SGCD: variants seen among roughly 807,000 people sequenced by gnomAD.
The protein encoded by SGCD is delta-sarcoglycan.
Under a neutral mutation model 36.6 loss-of-function variants are expected in SGCD, and 18 were observed. The ratio of observed to expected loss-of-function variants is 0.49; its 90% CI spans 0.34 to 0.73. SGCD has a LOEUF of 0.73. Ranked by LOEUF, SGCD falls within the 30% of genes least tolerant of loss-of-function variation. The probability of loss-of-function intolerance (pLI) is 0.01; values close to 1 mark genes in which losing one functional copy is unlikely to be tolerated. For missense variants in SGCD, 387 were observed against 346.7 expected, an observed-to-expected ratio of 1.12 and a Z score of -0.92; for synonymous variants, 133 against 130.6, an observed-to-expected ratio of 1.02 and a Z score of -0.12.
intron 2 of SGCD, among the ~76,000 whole-genome samples, chr5:156,342,684 A>T (rs17053447): frequency 0.075 from 11,473 of 152,270 alleles, 447 homozygotes; most frequent in South Asian, 0.18. Flanking sequence ...TAAAACTGAG[A>T]TCCTCTTACA....
chr5:155,966,991 G>A (rs1247154822), intron 1 of SGCD, among the ~76,000 whole-genome samples: 4 of 151,524 alleles, frequency 2.6e-5, no homozygotes, highest in African/African-American at 9.7e-5. Flanking sequence ...GTATATGTGT[G>A]CGTATGTGTG....
intron 1 of SGCD, among the ~76,000 whole-genome samples, chr5:156,105,051 C>T (rs192432843): frequency 2.0e-5 from 3 of 152,092 alleles, no homozygotes; most frequent in Admixed American, 6.6e-5. Flanking sequence ...ATGTAAATGA[C>T]GAGTTAATGG....
intron 3 of SGCD, among the ~76,000 whole-genome samples, chr5:156,285,903 G>T (rs1766582621): frequency 6.6e-6 from 1 of 152,020 alleles, no homozygotes; most frequent in South Asian, 2.1e-4. Context: ...CAAAATGGGA[G>T]AAAAATTTTT....
chr5:156,012,287 TC>T (rs1259606576), intron 1 of SGCD, among the ~76,000 whole-genome samples: 1 of 152,220 alleles, frequency 6.6e-6, no homozygotes, highest in Non-Finnish European at 1.5e-5. Flanking sequence ...CATATTTGAC[TC>T]CATATCCTAT....
intron 7 of SGCD, among the ~76,000 whole-genome samples, chr5:156,649,027 A>G (rs895861841): frequency 1.3e-5 from 2 of 152,116 alleles, no homozygotes; most frequent in African/African-American, 4.8e-5. Context: ...AAGAAGCAGG[A>G]CTCCCATCAA....
At chr5:156,139,123 T>C (rs565153705) in intron 3 of SGCD, among the ~76,000 whole-genome samples, 57 of 152,346 alleles carry the variant, frequency 3.7e-4, no homozygotes, top group African/African-American at 1.3e-3. Flanking sequence ...TCCAGTCTGT[T>C]ACTTGACTTT....
At chr5:156,033,697 A>C (rs1759416944) in intron 1 of SGCD, among the ~76,000 whole-genome samples, 1 of 152,308 alleles carries the variant, frequency 6.6e-6, no homozygotes, top group African/African-American at 2.4e-5. Flanking sequence ...AGAAACTAAG[A>C]CTATTGTTTG....
intron 6 of SGCD, among the ~76,000 whole-genome samples, chr5:156,598,100 C>T (rs1384898157): frequency 1.3e-5 from 2 of 152,202 alleles, no homozygotes; most frequent in East Asian, 1.9e-4. Flanking sequence ...ACTCCAGCCT[C>T]GGTGCACTTC....
At chr5:156,303,239 C>G (rs1346391853) in intron 3 of SGCD, among the ~76,000 whole-genome samples, 1 of 152,110 alleles carries the variant, frequency 6.6e-6, no homozygotes, top group East Asian at 1.9e-4. Context: ...GCAGAGGAGT[C>G]CCTTCCCATG....
At chr5:156,033,021 G>A (rs916047265) in intron 1 of SGCD, among the ~76,000 whole-genome samples, 4 of 151,932 alleles carry the variant, frequency 2.6e-5, no homozygotes, top group Non-Finnish European at 5.9e-5. Context: ...AAGCTGCAGT[G>A]AGCTGTAATC....
At chr5:156,564,230 A>G (rs1759384147) in intron 4 of SGCD, among the ~76,000 whole-genome samples, 1 of 152,188 alleles carries the variant, frequency 6.6e-6, no homozygotes, top group Admixed American at 6.5e-5. Context: ...CAGGCTGATC[A>G]CAAGGTCAGG....
intron 1 of SGCD, among the ~76,000 whole-genome samples, chr5:155,912,655 A>G (rs967186606): frequency 5.9e-5 from 9 of 152,098 alleles, no homozygotes; most frequent in African/African-American, 1.9e-4. Flanking sequence ...CCCTCATTAC[A>G]TGGCTTTCAT....
rs1458139639 is a variant in SGCD, at chr5:156,765,402, G to C, written c.*6012G>C. 6.6e-6 allele frequency: 1 copy of C among 152,034 alleles called. No individual in the cohort carries two copies. The highest frequency in any genetic ancestry group is 1.5e-5 in the Non-Finnish European group (1 of 68,020). 9.4% of individuals were successfully genotyped at this position (152,034 alleles called of 1,614,324 possible). On this transcript the variant is annotated 3_prime_UTR_variant, in exon 9 of 9. Coordinates refer to ENST00000337851, the MANE Select transcript of SGCD (RefSeq NM_000337.6). ...TAATTCATGGGGTTCTAACATTTTGGGGGGCCATAGATTCTTTTGACAATC... is the reference window on the plus strand; with the variant it reads ...TAATTCATGGGGTTCTAACATTTTGCGGGGCCATAGATTCTTTTGACAATC...
intron 6 of SGCD, among the ~76,000 whole-genome samples, chr5:156,628,812 C>T (rs569758267): frequency 3.3e-5 from 5 of 152,204 alleles, no homozygotes; most frequent in Admixed American, 6.5e-5. Context: ...GACTGAACCA[C>T]AGGATACCTT....
At chr5:156,503,798 C>T (rs927250789) in intron 3 of SGCD, among the ~76,000 whole-genome samples, 1 of 152,058 alleles carries the variant, frequency 6.6e-6, no homozygotes, top group African/African-American at 2.4e-5. Flanking sequence ...GTATAGTGTA[C>T]ATTCTAGGTA....
At chr5:156,684,293 C>T (rs534640572) in intron 7 of SGCD, among the ~76,000 whole-genome samples, 1 of 151,964 alleles carries the variant, frequency 6.6e-6, no homozygotes, top group African/African-American at 2.4e-5. Flanking sequence ...GATGCTATGA[C>T]AAGAAAGAAA....
At chr5:156,476,584 A>T (rs561074707) in intron 3 of SGCD, among the ~76,000 whole-genome samples, 3 of 152,376 alleles carry the variant, frequency 2.0e-5, no homozygotes, top group Admixed American at 2.0e-4. Context: ...TAGAAGAATT[A>T]TATCTGAAAC....
intron 1 of SGCD, among the ~76,000 whole-genome samples, chr5:155,950,130 G>A (rs1356110408): frequency 6.6e-6 from 1 of 152,144 alleles, no homozygotes; most frequent in East Asian, 1.9e-4. Flanking sequence ...AAACATCTAC[G>A]AGTTTATCTC....
chr5:155,871,851 C>T (rs1755663099), intron 1 of SGCD, among the ~76,000 whole-genome samples: 1 of 152,114 alleles, frequency 6.6e-6, no homozygotes, highest in African/African-American at 2.4e-5. Flanking sequence ...CAGGTGGCAA[C>T]CATCCAAGGC....
Sources: gnomAD v4.1 joint callset for allele counts (sites outside exome capture counted in the v4.1 genomes callset) on GRCh38, gnomAD v4.1.1 for gene constraint, MANE v1.5 for transcripts, NCBI Gene and HGNC (gene_info 2026-07-23, HGNC 2026-07-21) for gene names.